PTPDC1: variants seen among roughly 807,000 people sequenced by gnomAD.
PTPDC1 encodes the protein protein tyrosine phosphatase domain containing 1, also known as protein tyrosine phosphatase domain-containing protein 1.
Under a neutral mutation model 75.3 loss-of-function variants are expected in PTPDC1, and 53 were observed. The ratio of observed to expected loss-of-function variants is 0.70; its 90% CI spans 0.56 to 0.88. The LOEUF (loss-of-function observed/expected upper bound fraction) is 0.88, where lower values mean the gene tolerates loss of function less well. Ranked by LOEUF, PTPDC1 falls within the 40% of genes least tolerant of loss-of-function variation. The pLI is 0.00. For missense variants in PTPDC1, 925 were observed against 998.6 expected, an observed-to-expected ratio of 0.93 and a Z score of 0.99; for synonymous variants, 349 against 366.2, an observed-to-expected ratio of 0.95 and a Z score of 0.54.
chr9:94,094,693 G>C (rs551535768), intron 4 of PTPDC1, among the ~76,000 whole-genome samples: 2 of 152,226 alleles, frequency 1.3e-5, no homozygotes, highest in African/African-American at 4.8e-5. Flanking sequence ...CCGCCTTGCA[G>C]TTTGATCTCA....
At chr9:94,052,537 G>C (rs903881629) in intron 1 of PTPDC1, among the ~76,000 whole-genome samples, 2 of 148,808 alleles carry the variant, frequency 1.3e-5, no homozygotes, top group African/African-American at 5.2e-5. Context: ...GTTACTGAGA[G>C]AAGGATGTTG....
Position 94,095,340 on chromosome 9 carries a change from A to G in PTPDC1, c.640A>G (p.Lys214Glu). Residue 214 changes from lysine to glutamate, a missense_variant, in exon 5 of 9, where the codon AAG becomes GAG. Coordinates refer to ENST00000620992, the MANE Select transcript of PTPDC1 (RefSeq NM_001253829.2). ...AGTTTACTTCTACAATTTCGGATGGAAGGATTATGGTGTAGCGTCTCTTAC... is the reference window on the plus strand; with the variant it reads ...AGTTTACTTCTACAATTTCGGATGGGAGGATTATGGTGTAGCGTCTCTTAC... ...AGIYFYNFGW[K>E]DYGVASLTTI... 1.2e-6 allele frequency: 2 copies of G among 1,604,898 alleles called. No homozygotes were observed. Among genetic ancestry groups the G allele is most frequent in the Non-Finnish European group, 1.7e-6 (2 of 1,176,848 alleles).
intron 6 of PTPDC1, 132 bp from the exon 7 acceptor site, chr9:94,101,434 G>T: frequency 1.6e-6 from 1 of 627,674 alleles, no homozygotes; most frequent in Non-Finnish European, 2.7e-6. Context: ...AGGGGTCCCA[G>T]TTCTGCACTC....
At chr9:94,070,623 T>G (rs887056344) in intron 2 of PTPDC1, among the ~76,000 whole-genome samples, 1 of 152,188 alleles carries the variant, frequency 6.6e-6, no homozygotes, top group Non-Finnish European at 1.5e-5. Flanking sequence ...ACAGAACAGT[T>G]CCATCAACAC....
At position 94,098,004 on chromosome 9, in the gene PTPDC1, C is replaced by G; in HGVS notation, c.1438C>G (p.Gln480Glu). 1.2e-6 allele frequency: 2 copies of G among 1,614,162 alleles called. No individual in the cohort carries two copies. The highest frequency in any genetic ancestry group is 1.1e-5 in the South Asian group (1 of 91,068). ...AQILVGHKPR[Q>E]QKLISHCYIP... ...GATCTTGGTTGGCCACAAGCCCAGG[C>G]AGCAGAAGCTCATAAGCCATTGTTA... is the stretch of plus-strand genomic sequence containing the variant. The change falls in exon 6 of 9, where the codon CAG becomes GAG. Residue 480 changes from glutamine to glutamate, a missense_variant. Gln to Glu is a conservative substitution (Grantham distance 29, BLOSUM62 2). Transcript: ENST00000620992.
intron 1 of PTPDC1, among the ~76,000 whole-genome samples, chr9:94,055,988 G>C (rs1825920867): frequency 2.6e-5 from 4 of 152,068 alleles, no homozygotes; most frequent in Admixed American, 2.0e-4. Flanking sequence ...TTATGTGTCA[G>C]CGTAAGTTGA....
intron 1 of PTPDC1, among the ~76,000 whole-genome samples, chr9:94,043,253 TAAA>T (rs955664866): frequency 1.8e-4 from 27 of 152,186 alleles, no homozygotes; most frequent in African/African-American, 5.8e-4. Flanking sequence ...CTAGTTTTTT[TAAA>T]AAATCCATTC....
At chr9:94,070,360 G>T (rs1826471110) in intron 2 of PTPDC1, among the ~76,000 whole-genome samples, 1 of 152,056 alleles carries the variant, frequency 6.6e-6, no homozygotes, top group South Asian at 2.1e-4. Flanking sequence ...CCTACTATTT[G>T]CCTGCCTTGT....
At chr9:94,083,695 A>G (rs1471622368), upstream of PTPDC1, among the ~76,000 whole-genome samples, 1 of 152,130 alleles carries the variant, frequency 6.6e-6, no homozygotes, top group Non-Finnish European at 1.5e-5. Context: ...TAAAAATGTG[A>G]TATTTAGTGA....
At chr9:94,063,495 G>T (rs1303318806) in intron 1 of PTPDC1, among the ~76,000 whole-genome samples, 1 of 152,090 alleles carries the variant, frequency 6.6e-6, no homozygotes, top group Non-Finnish European at 1.5e-5. Context: ...ATGATACCTG[G>T]TGTGTGACAT....
At position 94,101,602 on chromosome 9, in the gene PTPDC1, A is replaced by C; in HGVS notation, c.2050A>C (p.Ile684Leu). 1 of 1,613,524 alleles carries C rather than the reference A, an allele frequency of 6.2e-7. No homozygotes were observed. Residue 684 changes from isoleucine to leucine, a missense_variant, in exon 7 of 9, where the codon ATA becomes CTA. By Grantham distance (5) the Ile-to-Leu change is conservative. Transcript: ENST00000620992. Reference sequence around the variant, plus strand: ...TTCCCGAGATGGAGCTTGGGAAAGAATATGTGGCGAGAGGGACCCTTTCAT... The same window carrying C: ...TTCCCGAGATGGAGCTTGGGAAAGACTATGTGGCGAGAGGGACCCTTTCAT... ...LNSRDGAWER[I>L]CGERDPFILC...
rs1272105968 is a variant in PTPDC1, at chr9:94,097,807, G to T, written c.1241G>T (p.Gly414Val). 1 of 1,614,186 alleles carries T rather than the reference G, an allele frequency of 6.2e-7. No individual in the cohort carries two copies. The highest frequency in any genetic ancestry group is 1.3e-5 in the African/African-American group (1 of 75,042). Residue 414 changes from glycine (G) to valine (V), a missense_variant, in exon 6 of 9, where the codon GGC becomes GTC. Physicochemically the swap from Gly to Val is moderately radical, Grantham distance 109. Coordinates refer to ENST00000620992, the MANE Select transcript of PTPDC1 (RefSeq NM_001253829.2). ...GTGGCAGCAGATTTTGACAATCGAG[G>T]CATGATTTTCTCCAATGAGCAACAG... Reference protein sequence around the residue: ...TAVAADFDNRGMIFSNEQQFD... With the variant: ...TAVAADFDNRVMIFSNEQQFD...
At chr9:94,098,603 T>C in intron 6 of PTPDC1, 24 bp downstream of exon 6, 4 of 1,554,010 alleles carry the variant, frequency 2.6e-6, no homozygotes, top group Non-Finnish European at 3.5e-6. Context: ...TTAATTTAAT[T>C]ATAGATATGT....
In PTPDC1 at chr9:94,097,408, C is replaced by A. The variant is rs201897615; in HGVS notation, c.842C>A (p.Ser281Tyr). The A allele has an allele frequency of 2.5e-6, 4 of 1,614,168 alleles. No homozygotes were observed. The East Asian group carries it at 8.9e-5, about 36-fold the overall frequency. Reference protein sequence around the residue: ...IIFVRAKRPNSIQTRGQLLCV... With the variant: ...IIFVRAKRPNYIQTRGQLLCV... Reference sequence around the variant, plus strand: ...TTTGTGCGGGCAAAGCGACCCAATTCCATACAAACCAGAGGACAGCTCCTC... The same window carrying A: ...TTTGTGCGGGCAAAGCGACCCAATTACATACAAACCAGAGGACAGCTCCTC... The change falls in exon 6 of 9, where the codon TCC becomes TAC. Residue 281 changes from serine (S) to tyrosine (Y), a missense_variant. By Grantham distance (144) the Ser-to-Tyr change is moderately radical. Transcript: ENST00000620992.
At chr9:94,054,716 C>A (rs1438115115) in intron 1 of PTPDC1, among the ~76,000 whole-genome samples, 7 of 152,152 alleles carry the variant, frequency 4.6e-5, no homozygotes, top group African/African-American at 1.7e-4. Flanking sequence ...CTCTAATAGA[C>A]CAAACCAAAA....
intron 1 of PTPDC1, among the ~76,000 whole-genome samples, chr9:94,044,928 G>A (rs1295828785): frequency 6.7e-6 from 1 of 150,230 alleles, no homozygotes; most frequent in Non-Finnish European, 1.5e-5. Context: ...GTGCCATGTT[G>A]GTGTGCTGCA....
chr9:94,098,083 C>T lies in PTPDC1; in HGVS notation c.1517C>T (p.Thr506Ile), dbSNP rs1446952761. The T allele has an allele frequency of 6.2e-6, 10 of 1,614,228 alleles. No homozygotes were observed. The highest frequency in any genetic ancestry group is 1.7e-5 in the Admixed American group (1 of 60,030). The part of the protein sequence containing the change: ...DLHKEALVRS[T>I]LSFWSQSKFG... ...CACAAGGAAGCCTTGGTTCGCAGCACACTTTCTTTCTGGAGTCAGTCAAAG... is the reference window on the plus strand; with the variant it reads ...CACAAGGAAGCCTTGGTTCGCAGCATACTTTCTTTCTGGAGTCAGTCAAAG... The change falls in exon 6 of 9, where the codon ACA (threonine) becomes ATA (isoleucine). Residue 506 changes from threonine to isoleucine, a missense_variant. Coordinates refer to ENST00000620992, the MANE Select transcript of PTPDC1 (RefSeq NM_001253829.2).
At chr9:94,066,160 G>A (rs74946701) in intron 2 of PTPDC1, among the ~76,000 whole-genome samples, 3,891 of 152,016 alleles carry the variant, frequency 0.026, 161 homozygotes, top group African/African-American at 0.089. Context: ...GAAAAAACCC[G>A]GCATATTTCC....
At chr9:94,101,481 G>C in intron 6 of PTPDC1, 85 bp from the exon 7 acceptor site, 1 of 1,031,736 alleles carries the variant, frequency 9.7e-7, no homozygotes, top group Non-Finnish European at 1.4e-6. Context: ...GGCAGCGCAA[G>C]AATCATGCAG....
Sources: gnomAD v4.1 joint callset for allele counts (sites outside exome capture counted in the v4.1 genomes callset) on GRCh38, gnomAD v4.1.1 for gene constraint, MANE v1.5 for transcripts, NCBI Gene and HGNC (gene_info 2026-07-23, HGNC 2026-07-21) for gene names.